The following HEMK2 variants were observed in gnomAD, a reference collection of about 807,000 sequenced individuals.
HEMK2 encodes the protein methyltransferase HEMK2.
the HEMK2 span, among the ~76,000 whole-genome samples, chr21:28,746,597 C>T: frequency 1.3e-5 from 2 of 150,726 alleles, no homozygotes; most frequent in African/African-American, 2.5e-5. Flanking sequence ...AATAGGGTGA[C>T]GTGATAGAAA....
At chr21:28,620,652 T>C in the HEMK2 span, among the ~76,000 whole-genome samples, 4 of 139,266 alleles carry the variant, frequency 2.9e-5, no homozygotes, top group Admixed American at 2.4e-4. Flanking sequence ...GTGATTCTTC[T>C]CTCTTTTCTT....
chr21:28,688,512 G>A, the HEMK2 span, among the ~76,000 whole-genome samples: 3 of 151,850 alleles, frequency 2.0e-5, no homozygotes, highest in Non-Finnish European at 4.4e-5. Flanking sequence ...CAACTAGAGT[G>A]CATGCATGAT....
chr21:28,665,924 T>TA, the HEMK2 span, among the ~76,000 whole-genome samples: 4 of 151,772 alleles, frequency 2.6e-5, no homozygotes, highest in Non-Finnish European at 5.9e-5. Context: ...GTCCATTTTT[T>TA]AAAAAAAATA....
the HEMK2 span, among the ~76,000 whole-genome samples, chr21:28,676,266 G>A: frequency 4.6e-5 from 7 of 152,138 alleles, no homozygotes; most frequent in Admixed American, 4.6e-4. Context: ...TCTTTAGCTG[G>A]TAGATTCCTG....
the HEMK2 span, among the ~76,000 whole-genome samples, chr21:28,739,064 G>A: frequency 2.0e-5 from 3 of 152,186 alleles, no homozygotes; most frequent in African/African-American, 7.2e-5. Flanking sequence ...AGAAGCTCAT[G>A]TGTACTTAAA....
the HEMK2 span, among the ~76,000 whole-genome samples, chr21:28,843,961 G>A: frequency 2.0e-5 from 3 of 151,998 alleles, no homozygotes; most frequent in Admixed American, 6.6e-5. Flanking sequence ...ATATTTATAT[G>A]CACTATTAGA....
At chr21:28,816,581 T>C in the HEMK2 span, among the ~76,000 whole-genome samples, 2 of 152,146 alleles carry the variant, frequency 1.3e-5, no homozygotes, top group African/African-American at 4.8e-5. Flanking sequence ...CTTGGGAGGC[T>C]GAGACAGTAG....
the HEMK2 span, chr21:28,880,002 A>G: frequency 8.0e-7 from 1 of 1,249,288 alleles, no homozygotes; most frequent in Non-Finnish European, 1.1e-6. Flanking sequence ...CTCTGAATTA[A>G]ATAACTGACA....
the HEMK2 span, among the ~76,000 whole-genome samples, chr21:28,831,526 G>GAAAGAAAGAAAGAAAGAAA: frequency 1.4e-4 from 5 of 34,808 alleles, no homozygotes; most frequent in African/African-American, 3.3e-4. Flanking sequence ...AAAGAAAGAA[G>GAAAGAAAGAAAGAAAGAAA]GAAAGAAGGA....
chr21:28,870,214 A>G, the HEMK2 span, among the ~76,000 whole-genome samples: 2 of 152,038 alleles, frequency 1.3e-5, no homozygotes, highest in Admixed American at 1.3e-4. Context: ...AAAAAAAAGT[A>G]TGGACTTTAC....
chr21:28,581,545 C>T, the HEMK2 span, among the ~76,000 whole-genome samples: 1 of 152,162 alleles, frequency 6.6e-6, no homozygotes, highest in Non-Finnish European at 1.5e-5. Flanking sequence ...TGCACTAAAG[C>T]TTTGAAGGAA....
At chr21:28,880,928 T>TAAAAAAAAA in the HEMK2 span, among the ~76,000 whole-genome samples, 4 of 104,434 alleles carry the variant, frequency 3.8e-5, 1 homozygote, top group African/African-American at 1.9e-4. Context: ...ATCATTTATT[T>TAAAAAAAAA]AAAAAAAAAA....
At chr21:28,660,552 T>C in the HEMK2 span, among the ~76,000 whole-genome samples, 1 of 151,852 alleles carries the variant, frequency 6.6e-6, no homozygotes, top group South Asian at 2.1e-4. Context: ...TTTAATGTGA[T>C]GGACTACATT....
chr21:28,678,237 C>T, the HEMK2 span, among the ~76,000 whole-genome samples: 2 of 152,132 alleles, frequency 1.3e-5, no homozygotes, highest in African/African-American at 4.8e-5. Flanking sequence ...ATGAGAACTA[C>T]ATGATGAATG....
the HEMK2 span, among the ~76,000 whole-genome samples, chr21:28,844,942 ATGTC>A: frequency 3.3e-5 from 5 of 151,500 alleles, no homozygotes; most frequent in African/African-American, 7.3e-5. Context: ...TGAAAATTGA[ATGTC>A]TGTCTATTGT....
At chr21:28,671,562 A>G in the HEMK2 span, among the ~76,000 whole-genome samples, 1 of 152,176 alleles carries the variant, frequency 6.6e-6, no homozygotes, top group Non-Finnish European at 1.5e-5. Context: ...AGCCCAGAAG[A>G]CTATGATGAT....
chr21:28,869,305 G>A, the HEMK2 span, among the ~76,000 whole-genome samples: 1 of 152,044 alleles, frequency 6.6e-6, no homozygotes, highest in Non-Finnish European at 1.5e-5. Flanking sequence ...TACATTCCTG[G>A]GATAAACTCA....
chr21:28,639,323 A>T, the HEMK2 span, among the ~76,000 whole-genome samples: 6 of 152,232 alleles, frequency 3.9e-5, no homozygotes, highest in Non-Finnish European at 5.9e-5. Flanking sequence ...ATCCTTATGC[A>T]AGTACCAGGT....
chr21:28,660,473 A>G, the HEMK2 span, among the ~76,000 whole-genome samples: 1 of 151,458 alleles, frequency 6.6e-6, no homozygotes, highest in Non-Finnish European at 1.5e-5. Flanking sequence ...AACTATCTAT[A>G]CTAAGAATTT....
Sources: allele counts gnomAD v4.1 joint callset (sites outside exome capture counted in the v4.1 genomes callset), GRCh38; gene constraint gnomAD v4.1.1; transcripts MANE v1.5; gene names NCBI Gene and HGNC (gene_info 2026-07-23, HGNC 2026-07-21).